The following ZNF423 variants were observed in gnomAD, a reference collection of about 807,000 sequenced individuals.
The protein encoded by ZNF423 is zinc finger protein 423.
Under a neutral mutation model 95.8 loss-of-function variants are expected in ZNF423, and 12 were observed. The ratio of observed to expected loss-of-function variants is 0.13; its 90% CI spans 0.08 to 0.20. The LOEUF is 0.20. ZNF423 is among the 10% of genes least tolerant of loss of function. ZNF423 has a pLI of 1.00. For synonymous variants in ZNF423, 749 were observed against 711.9 expected, an observed-to-expected ratio of 1.05 and a Z score of -0.83; for missense variants, 1,316 against 1,737.1, an observed-to-expected ratio of 0.76 and a Z score of 4.31.
intron 3 of ZNF423, among the ~76,000 whole-genome samples, chr16:49,676,930 A>G (rs901668840): frequency 1.3e-5 from 2 of 152,122 alleles, no homozygotes; most frequent in African/African-American, 4.8e-5. Flanking sequence ...AGAAATGTAG[A>G]ATTTAGGCCA....
At chr16:49,790,504 T>G (rs1456517391) in intron 1 of ZNF423, among the ~76,000 whole-genome samples, 1 of 152,258 alleles carries the variant, frequency 6.6e-6, no homozygotes, top group Admixed American at 6.5e-5. Flanking sequence ...CAGGGTTGTC[T>G]GTCTCCAAGG....
chr16:49,686,920 C>T (rs2031587338), intron 3 of ZNF423, among the ~76,000 whole-genome samples: 1 of 152,048 alleles, frequency 6.6e-6, no homozygotes. Flanking sequence ...CCCCATCCCA[C>T]CTTGGATCGC....
chr16:49,827,784 T>A (rs2035021322), intron 1 of ZNF423, among the ~76,000 whole-genome samples: 1 of 152,050 alleles, frequency 6.6e-6, no homozygotes, highest in Non-Finnish European at 1.5e-5. Flanking sequence ...TCCGGAAAAA[T>A]TGTTATGTTG....
At chr16:49,854,601 G>C (rs1335292477) in intron 1 of ZNF423, 1 of 985,276 alleles carries the variant, frequency 1.0e-6, no homozygotes, top group African/African-American at 1.7e-5. Context: ...CCCCTTCCTC[G>C]ATCATCTCCC....
chr16:49,833,273 C>G (rs894602381), intron 1 of ZNF423, among the ~76,000 whole-genome samples: 1 of 152,254 alleles, frequency 6.6e-6, no homozygotes, highest in South Asian at 2.1e-4. Flanking sequence ...TTCCTGGAGC[C>G]TGAATTTCCT....
At chr16:49,657,394 G>T (rs1051939252) in intron 3 of ZNF423, among the ~76,000 whole-genome samples, 1 of 152,206 alleles carries the variant, frequency 6.6e-6, no homozygotes, top group South Asian at 2.1e-4. Context: ...GGAAGGGAAC[G>T]CTGAGGGACA....
intron 2 of ZNF423, among the ~76,000 whole-genome samples, chr16:49,768,922 C>G (rs2033980052): frequency 6.6e-6 from 1 of 152,192 alleles, no homozygotes; most frequent in African/African-American, 2.4e-5. Flanking sequence ...CTGCCCTACG[C>G]CCTGACAACT....
At chr16:49,783,694 T>C (rs576420108) in intron 2 of ZNF423, among the ~76,000 whole-genome samples, 1 of 151,652 alleles carries the variant, frequency 6.6e-6, no homozygotes, top group Non-Finnish European at 1.5e-5. Context: ...TTTGGAGACG[T>C]TGGTAGGAGG....
chr16:49,511,003 C>A (rs1211347024), intron 7 of ZNF423, among the ~76,000 whole-genome samples: 1 of 152,214 alleles, frequency 6.6e-6, no homozygotes, highest in African/African-American at 2.4e-5. Context: ...GAGGCTGATT[C>A]CAAGTGCCAT....
At chr16:49,778,133 AT>A (rs2034150572) in intron 2 of ZNF423, among the ~76,000 whole-genome samples, 1 of 152,196 alleles carries the variant, frequency 6.6e-6, no homozygotes, top group African/African-American at 2.4e-5. Context: ...TAAAATAATA[AT>A]TTTTTGAACC....
chr16:49,808,857 C>A (rs984323313), intron 1 of ZNF423, among the ~76,000 whole-genome samples: 1 of 152,196 alleles, frequency 6.6e-6, no homozygotes, highest in African/African-American at 2.4e-5. Context: ...GCATTCCCTA[C>A]GCACACCAGA....
At chr16:49,760,229 G>C (rs1236569594) in intron 2 of ZNF423, among the ~76,000 whole-genome samples, 1 of 137,938 alleles carries the variant, frequency 7.2e-6, no homozygotes, top group Non-Finnish European at 1.6e-5. Flanking sequence ...TGGCTGAATG[G>C]GTGGGTGGGG....
At chr16:49,815,881 A>ATATATATATATATATATATATAT (rs1555488161) in intron 1 of ZNF423, among the ~76,000 whole-genome samples, 1 of 47,590 alleles carries the variant, frequency 2.1e-5, no homozygotes, top group Non-Finnish European at 3.5e-5. Flanking sequence ...AAAAAAAAAA[A>ATATATATATATATATATATATAT]ATATATATAT....
At chr16:49,767,178 A>G (rs973667051) in intron 2 of ZNF423, among the ~76,000 whole-genome samples, 2 of 151,912 alleles carry the variant, frequency 1.3e-5, no homozygotes, top group African/African-American at 4.8e-5. Context: ...CTGGTCTCAA[A>G]CAGCTGCCCT....
intron 1 of ZNF423, among the ~76,000 whole-genome samples, chr16:49,820,387 T>A (rs1180611647): frequency 6.6e-6 from 1 of 152,220 alleles, no homozygotes; most frequent in Admixed American, 6.5e-5. Context: ...AGAAAGTCAA[T>A]GCTAAAATGC....
chr16:49,633,795 G>C (rs1373326696), intron 4 of ZNF423, among the ~76,000 whole-genome samples: 1 of 152,168 alleles, frequency 6.6e-6, no homozygotes. Flanking sequence ...GTCCTGAGAG[G>C]GTGGGGTACT....
chr16:49,740,769 G>C (rs1332644742), intron 2 of ZNF423, among the ~76,000 whole-genome samples: 2 of 152,204 alleles, frequency 1.3e-5, no homozygotes, highest in African/African-American at 4.8e-5. Context: ...CTGGCCATGA[G>C]GGACTGATAC....
At chr16:49,821,740 G>T (rs982962063) in intron 1 of ZNF423, among the ~76,000 whole-genome samples, 4 of 152,140 alleles carry the variant, frequency 2.6e-5, no homozygotes, top group African/African-American at 9.7e-5. Flanking sequence ...CTCCCCCGGT[G>T]TGTGCGAAGG....
chr16:49,833,997 A>G (rs1319707279), intron 1 of ZNF423, among the ~76,000 whole-genome samples: 1 of 152,198 alleles, frequency 6.6e-6, no homozygotes, highest in African/African-American at 2.4e-5. Flanking sequence ...GGCTTCGCAC[A>G]GCCTGTCACA....
Sources: allele counts gnomAD v4.1 joint callset (sites outside exome capture counted in the v4.1 genomes callset), GRCh38; gene constraint gnomAD v4.1.1; transcripts MANE v1.5; gene names NCBI Gene and HGNC (gene_info 2026-07-23, HGNC 2026-07-21).